UBXN2A: variants seen among roughly 807,000 people sequenced by gnomAD.
UBXN2A encodes UBX domain-containing protein 2A.
UBXN2A carries 28 observed loss-of-function variants against 28.4 expected under a neutral mutation model. That is an observed-to-expected ratio of 0.99 (90% CI 0.73 to 1.35). The LOEUF (loss-of-function observed/expected upper bound fraction) is 1.35, where lower values mean the gene tolerates loss of function less well. Ranked by LOEUF, UBXN2A falls within the 40% of genes most tolerant of loss-of-function variation. The probability of loss-of-function intolerance (pLI) is 0.00; values close to 1 mark genes in which losing one functional copy is unlikely to be tolerated. For missense variants in UBXN2A, 253 were observed against 297.9 expected (o/e 0.85, Z 1.11); for synonymous variants, 97 against 103.6 (o/e 0.94, Z 0.39).
intron 6 of UBXN2A, among the ~76,000 whole-genome samples, chr2:23,994,732 AC>A (rs1434600393): frequency 6.6e-6 from 1 of 152,128 alleles, no homozygotes; most frequent in Non-Finnish European, 1.5e-5. Flanking sequence ...TGGTCATTAG[AC>A]CTTGTTTATG....
chr2:23,974,804 TC>T (rs770310298), intron 3 of UBXN2A, among the ~76,000 whole-genome samples: 3 of 151,972 alleles, frequency 2.0e-5, no homozygotes, highest in East Asian at 3.9e-4. Flanking sequence ...GTGCTGAAAC[TC>T]TTTCTCTACT....
intron 4 of UBXN2A, among the ~76,000 whole-genome samples, chr2:23,982,323 T>C (rs112412628): frequency 0.079 from 11,936 of 151,000 alleles, 595 homozygotes; most frequent in Middle Eastern, 0.12. Flanking sequence ...GCCGAGATCG[T>C]GCCACTGCAG....
intron 2 of UBXN2A, among the ~76,000 whole-genome samples, chr2:23,969,510 G>A (rs112955412): frequency 6.6e-5 from 10 of 152,212 alleles, no homozygotes; most frequent in Admixed American, 2.6e-4. Flanking sequence ...GTACAGGAGC[G>A]TACCATCATG....
At chr2:23,935,210 G>A (rs1167492664) in intron 1 of UBXN2A, among the ~76,000 whole-genome samples, 1 of 152,064 alleles carries the variant, frequency 6.6e-6, no homozygotes, top group African/African-American at 2.4e-5. Flanking sequence ...AAAAGTACAG[G>A]CAAAACAAGA....
intron 6 of UBXN2A, among the ~76,000 whole-genome samples, chr2:23,990,975 C>T: frequency 6.6e-6 from 1 of 152,122 alleles, no homozygotes; most frequent in East Asian, 1.9e-4. Context: ...TTCCTCACCC[C>T]ACTTGGCCTC....
At chr2:23,950,673 G>A (rs115194598) in intron 1 of UBXN2A, among the ~76,000 whole-genome samples, 187 of 151,934 alleles carry the variant, frequency 1.2e-3, no homozygotes, top group African/African-American at 4.4e-3. Flanking sequence ...CAGTGTGCTC[G>A]GATTACAGGC....
intron 1 of UBXN2A, among the ~76,000 whole-genome samples, chr2:23,950,462 G>A (rs1192337479): frequency 6.6e-6 from 1 of 152,056 alleles, no homozygotes; most frequent in African/African-American, 2.4e-5. Flanking sequence ...GGAGTGCAGT[G>A]GCATGATCTT....
intron 1 of UBXN2A, among the ~76,000 whole-genome samples, chr2:23,927,927 G>T (rs1472334038): frequency 1.3e-5 from 2 of 152,156 alleles, no homozygotes; most frequent in African/African-American, 4.8e-5. Context: ...TGTAATCCCA[G>T]TACTTTGGGA....
At chr2:23,960,697 A>T (rs1170802879) in intron 2 of UBXN2A, among the ~76,000 whole-genome samples, 1 of 152,002 alleles carries the variant, frequency 6.6e-6, no homozygotes, top group Non-Finnish European at 1.5e-5. Flanking sequence ...CAACGGCGTG[A>T]TCTTGGCTCA....
intron 6 of UBXN2A, among the ~76,000 whole-genome samples, chr2:23,994,107 G>C (rs961130561): frequency 1.3e-5 from 2 of 152,138 alleles, no homozygotes; most frequent in African/African-American, 4.8e-5. Context: ...TAGCACATCA[G>C]CTCTTAAGAA....
intron 6 of UBXN2A, among the ~76,000 whole-genome samples, chr2:23,987,722 A>T (rs1376448902): frequency 6.7e-6 from 1 of 150,090 alleles, no homozygotes; most frequent in Non-Finnish European, 1.5e-5. Context: ...AGCTTGCATT[A>T]AGCCGAGATC....
intron 2 of UBXN2A, among the ~76,000 whole-genome samples, chr2:23,970,518 T>G (rs2150865896): frequency 6.6e-6 from 1 of 152,120 alleles, no homozygotes; most frequent in East Asian, 1.9e-4. Context: ...TCCCCAACTT[T>G]TTTGGCACCA....
At chr2:23,975,412 A>G (rs1012721422) in intron 3 of UBXN2A, among the ~76,000 whole-genome samples, 17 of 152,304 alleles carry the variant, frequency 1.1e-4, no homozygotes, top group Middle Eastern at 3.4e-3. Context: ...ATTAAAAAAA[A>G]CATTTCAATC....
rs1223944833 is a variant in UBXN2A, at chr2:23,949,116, C to CTTT, written c.-15+8483_-15+8485dup. On this transcript the variant is annotated intron_variant, in intron 1 of 6. Transcript: ENST00000309033. ...CTACCAAGCCTGGCTATTTTTTTTT[C>CTTT]TTTTTTTTTTTTTTTTTGTATTTTT... 5.2e-3 allele frequency among the ~76,000 whole-genome samples: 667 copies of CTTT among 127,052 alleles called. 3 individuals carry two copies. Among genetic ancestry groups the CTTT allele is most frequent in the Middle Eastern group, 0.013 (3 of 232 alleles). 83.4% of individuals were successfully genotyped at this position (127,052 alleles called of 152,430 possible).
At chr2:23,942,419 C>CTTTTTTTTT (rs759241567) in intron 1 of UBXN2A, among the ~76,000 whole-genome samples, 36 of 98,116 alleles carry the variant, frequency 3.7e-4, no homozygotes, top group Non-Finnish European at 4.8e-4. Context: ...TGATGCAGGG[C>CTTTTTTTTT]TTTTTTTTTT....
At chr2:23,993,012 G>A (rs1317012965) in intron 6 of UBXN2A, among the ~76,000 whole-genome samples, 1 of 151,980 alleles carries the variant, frequency 6.6e-6, no homozygotes, top group Non-Finnish European at 1.5e-5. Flanking sequence ...CCATCTACCT[G>A]GTGCTTTCTA....
chr2:23,985,685 A>G (rs75700771), intron 6 of UBXN2A, among the ~76,000 whole-genome samples: 3,117 of 151,940 alleles, frequency 0.021, 51 homozygotes, highest in South Asian at 0.032. Context: ...CCAGCTGATA[A>G]TGGGTATTTT....
chr2:23,995,991 C>A (rs1708516288), intron 6 of UBXN2A, among the ~76,000 whole-genome samples: 1 of 151,254 alleles, frequency 6.6e-6, no homozygotes, highest in African/African-American at 2.4e-5. Flanking sequence ...CACCACCTCC[C>A]AGGTTCGAGC....
intron 6 of UBXN2A, among the ~76,000 whole-genome samples, chr2:23,987,016 C>T (rs1708158355): frequency 6.6e-6 from 1 of 151,800 alleles, no homozygotes; most frequent in Non-Finnish European, 1.5e-5. Context: ...TCACCTGAGC[C>T]CCGGAGGTTG....
Sources: gnomAD v4.1 joint callset for allele counts (sites outside exome capture counted in the v4.1 genomes callset) on GRCh38, gnomAD v4.1.1 for gene constraint, MANE v1.5 for transcripts, NCBI Gene and HGNC (gene_info 2026-07-23, HGNC 2026-07-21) for gene names.